COL6A5: variants seen among roughly 807,000 people sequenced by gnomAD.
COL6A5 encodes collagen alpha-5(VI) chain.
Under a neutral mutation model 65.6 loss-of-function variants are expected in COL6A5, and 48 were observed. The observed-to-expected ratio is 0.73, with a 90% CI of 0.58 to 0.93. The LOEUF is 0.93. Among genes scored for constraint, COL6A5 ranks in the 40% least tolerant of loss-of-function variants. COL6A5 has a pLI of 0.00. For missense variants in COL6A5, 914 were observed against 928.3 expected (o/e 0.98, Z 0.20); for synonymous variants, 291 against 322.8 (o/e 0.90, Z 1.05).
chr3:130,475,446 T>C (rs756699270), intron 7 of COL6A5, among the ~76,000 whole-genome samples: 6 of 152,032 alleles, frequency 3.9e-5, no homozygotes, highest in Non-Finnish European at 7.4e-5. Flanking sequence ...TAGAAGACAG[T>C]GGAACAACTT....
intron 5 of COL6A5, among the ~76,000 whole-genome samples, chr3:130,467,270 A>G (rs1265145796): frequency 1.3e-5 from 2 of 151,974 alleles, no homozygotes; most frequent in East Asian, 3.9e-4. Context: ...GGAGGGGGGA[A>G]TAAAGAAGAG....
chr3:130,449,657 C>T (rs551212360), intron 4 of COL6A5, among the ~76,000 whole-genome samples: 1 of 152,234 alleles, frequency 6.6e-6, no homozygotes, highest in South Asian at 2.1e-4. Flanking sequence ...GTGTATGGTG[C>T]ACGTGGGCCT....
At position 130,462,966 on chromosome 3, in the gene COL6A5, A is replaced by G. The variant is rs533548033; in HGVS notation, c.1545-5829A>G. Among the ~76,000 whole-genome samples the G allele has an allele frequency of 2.6e-5, 4 of 152,206 alleles. No individual in the cohort carries two copies. The South Asian group carries it at 8.3e-4, about 32-fold the overall frequency. Reference sequence around the variant, plus strand: ...ATCCTGCCTCTACCACTTATCAGCCATCCTTTCTTAGCCAACTCATTCACC... The same window carrying G: ...ATCCTGCCTCTACCACTTATCAGCCGTCCTTTCTTAGCCAACTCATTCACC... On this transcript the variant is annotated intron_variant, in intron 5 of 7. Coordinates refer to ENST00000512836, the Ensembl canonical transcript of COL6A5.
rs1243586988 is a variant in COL6A5 at position 130,471,941 on chromosome 3, C to T, written c.2328+974C>T. ...AGAAAAAGAAGGTAATCGTGAGTAC[C>T]ATAGAGCTGAAGACCCTCAAGTACC... On this transcript the variant is annotated intron_variant, in intron 7 of 7. Coordinates refer to ENST00000512836, the Ensembl canonical transcript of COL6A5. 1.3e-6 allele frequency: 2 copies of T among 1,531,808 alleles called. No homozygotes were observed. The highest frequency in any genetic ancestry group is 1.7e-6 in the Non-Finnish European group (2 of 1,144,628). 94.9% of individuals were successfully genotyped at this position (1,531,808 alleles called of 1,614,324 possible). A position where few individuals can be genotyped will look rare whatever the true frequency, so the allele number is the denominator to read the frequency against.
At chr3:130,384,658 G>C in intron 4 of COL6A5, 146 bp from the exon 5 acceptor site, 1 of 620,128 alleles carries the variant, frequency 1.6e-6, no homozygotes, top group South Asian at 2.4e-5. Flanking sequence ...AAATGGGCAT[G>C]ACTGTGCTTA....
At chr3:130,418,985 G>A in intron 25 of COL6A5, 54 bp downstream of exon 25, 5 of 1,436,980 alleles carry the variant, frequency 3.5e-6, no homozygotes, top group Non-Finnish European at 3.8e-6. Context: ...CAGTTCCAAG[G>A]TAAAGAGAAG....
intron 29 of COL6A5, 53 bp from the exon 30 acceptor site, chr3:130,426,161 C>G (rs1267372921): frequency 5.9e-6 from 9 of 1,521,964 alleles, no homozygotes; most frequent in Non-Finnish European, 8.0e-6. Context: ...TTACTAAAGA[C>G]TAAAGACTTC....
intron 20 of COL6A5, among the ~76,000 whole-genome samples, chr3:130,412,712 T>G (rs1461325146): frequency 1.3e-5 from 2 of 152,144 alleles, no homozygotes; most frequent in Non-Finnish European, 2.9e-5. Flanking sequence ...TATTTGCATC[T>G]TAAAAGCAAA....
intron 7 of COL6A5, 25 bp from the exon 41 acceptor site, chr3:130,484,010 C>T (rs779958140): frequency 1.2e-6 from 2 of 1,600,968 alleles, no homozygotes; most frequent in African/African-American, 2.7e-5. Context: ...ACATTAAAAG[C>T]AGTGAATATT....
At chr3:130,443,499 C>T (rs1709233796) in exon 4 of COL6A5, 1 of 1,610,866 alleles carries the variant, frequency 6.2e-7, no homozygotes. Flanking sequence ...GTACCCACCA[C>T]CGATGCTTGA....
intron 1 of COL6A5, among the ~76,000 whole-genome samples, chr3:130,366,100 G>T (rs1474131265): frequency 1.3e-5 from 2 of 152,162 alleles, no homozygotes; most frequent in Non-Finnish European, 2.9e-5. Context: ...TCATGATTTG[G>T]ATGGCAGCTG....
intron 7 of COL6A5, among the ~76,000 whole-genome samples, chr3:130,473,415 C>T (rs530530137): frequency 2.0e-5 from 3 of 152,094 alleles, no homozygotes; most frequent in East Asian, 1.9e-4. Flanking sequence ...AAAGAGGCCC[C>T]ATGCATTAAA....
At chr3:130,355,126 A>C (rs552032553) in intron 1 of COL6A5, among the ~76,000 whole-genome samples, 1 of 152,056 alleles carries the variant, frequency 6.6e-6, no homozygotes, top group Non-Finnish European at 1.5e-5. Context: ...TTTCTATCCA[A>C]TAGTGCTGAT....
At chr3:130,430,015 C>T (rs1392177184), upstream of COL6A5, among the ~76,000 whole-genome samples, 1 of 152,172 alleles carries the variant, frequency 6.6e-6, no homozygotes, top group Non-Finnish European at 1.5e-5. Context: ...CTTTCCTGCC[C>T]ATGGCTGTGG....
chr3:130,455,929 A>G (rs1709562206), intron 5 of COL6A5, among the ~76,000 whole-genome samples: 1 of 152,230 alleles, frequency 6.6e-6, no homozygotes, highest in Non-Finnish European at 1.5e-5. Context: ...TCCACAGTTT[A>G]GAAGGTTAGT....
At chr3:130,440,522 C>T in exon 3 of COL6A5, 2 of 1,613,692 alleles carry the variant, frequency 1.2e-6, no homozygotes, top group Non-Finnish European at 1.7e-6. Context: ...TGGTCGTGCC[C>T]TACTGTGGAC....
intron 24 of COL6A5, among the ~76,000 whole-genome samples, chr3:130,417,684 C>T (rs756499595): frequency 5.3e-5 from 8 of 152,114 alleles, no homozygotes; most frequent in South Asian, 2.1e-4. Context: ...TTAACCTCAT[C>T]GGAATCTGAC....
intron 3 of COL6A5, among the ~76,000 whole-genome samples, chr3:130,377,364 A>G (rs1290674820): frequency 6.6e-6 from 1 of 152,234 alleles, no homozygotes; most frequent in Non-Finnish European, 1.5e-5. Flanking sequence ...AAGAAATAGG[A>G]TCACTGTCTA....
chr3:130,477,238 A>G lies in COL6A5; in HGVS notation c.2328+6271A>G, dbSNP rs1050322492. 4 of 601,666 alleles carry G rather than the reference A, an allele frequency of 6.6e-6. No homozygotes were observed. In the African/African-American group the frequency reaches 7.4e-5, roughly 11 times the overall value. 37.3% of individuals were successfully genotyped at this position (601,666 alleles called of 1,614,324 possible). ...ATGATGCATATAAAGCTCAAAGTACACACTATGCGTGGAATATAATCAACT... is the reference window on the plus strand; with the variant it reads ...ATGATGCATATAAAGCTCAAAGTACGCACTATGCGTGGAATATAATCAACT... On this transcript the variant is annotated intron_variant, in intron 7 of 7. Coordinates refer to ENST00000512836, the Ensembl canonical transcript of COL6A5.
Sources: gnomAD v4.1 joint callset for allele counts (sites outside exome capture counted in the v4.1 genomes callset) on GRCh38, gnomAD v4.1.1 for gene constraint, MANE v1.5 for transcripts, NCBI Gene and HGNC (gene_info 2026-07-23, HGNC 2026-07-21) for gene names.